Variants in ROR1 observed in about 807,000 individuals in gnomAD.
ROR1 encodes inactive tyrosine-protein kinase transmembrane receptor ROR1.
Under a neutral mutation model 78.8 loss-of-function variants are expected in ROR1, and 19 were observed. The observed-to-expected ratio is 0.24, with a 90% CI of 0.17 to 0.35. ROR1 has a LOEUF of 0.35. Ranked by LOEUF, ROR1 falls within the 10% of genes least tolerant of loss-of-function variation. The pLI, the probability that ROR1 is intolerant of heterozygous loss-of-function variation, is 1.00. For missense variants in ROR1, 917 were observed against 1,177.8 expected (o/e 0.78, Z 3.24); for synonymous variants, 386 against 433.6 (o/e 0.89, Z 1.36).
intron 1 of ROR1, among the ~76,000 whole-genome samples, chr1:63,933,660 T>C (rs1645771783): frequency 6.6e-6 from 1 of 152,228 alleles, no homozygotes; most frequent in African/African-American, 2.4e-5. Context: ...TGAAAATCTT[T>C]ACTATGCCTG....
intron 1 of ROR1, among the ~76,000 whole-genome samples, chr1:63,913,166 C>A (rs1276886035): frequency 2.0e-5 from 3 of 152,142 alleles, no homozygotes; most frequent in Non-Finnish European, 2.9e-5. Flanking sequence ...ATGTAGGAAA[C>A]AAAACTATCT....
chr1:64,173,946 C>A (rs1650310070), intron 8 of ROR1, among the ~76,000 whole-genome samples: 1 of 152,130 alleles, frequency 6.6e-6, no homozygotes, highest in African/African-American at 2.4e-5. Flanking sequence ...CACCCTCAAG[C>A]TCCAAAACAA....
intron 4 of ROR1, among the ~76,000 whole-genome samples, chr1:64,076,833 G>A (rs1293730986): frequency 3.3e-5 from 5 of 152,008 alleles, no homozygotes; most frequent in African/African-American, 9.7e-5. Flanking sequence ...ACAAATTTTG[G>A]TTAACATATC....
chr1:64,134,615 C>T (rs1056428627), intron 4 of ROR1, among the ~76,000 whole-genome samples: 2 of 152,138 alleles, frequency 1.3e-5, no homozygotes, highest in Non-Finnish European at 2.9e-5. Flanking sequence ...TTCTCAACCA[C>T]ATTCAAATCA....
intron 1 of ROR1, among the ~76,000 whole-genome samples, chr1:63,972,566 A>G (rs1025091476): frequency 6.6e-6 from 1 of 152,206 alleles, no homozygotes; most frequent in Non-Finnish European, 1.5e-5. Flanking sequence ...AAACATAGAT[A>G]TTTGTGGAAG....
chr1:63,839,740 A>G (rs1645038518), intron 1 of ROR1, among the ~76,000 whole-genome samples: 1 of 152,046 alleles, frequency 6.6e-6, no homozygotes, highest in East Asian at 1.9e-4. Context: ...TTTTGTAGCA[A>G]GCTTTTTTTT....
At chr1:63,968,006 T>C (rs12095803) in intron 1 of ROR1, among the ~76,000 whole-genome samples, 49,213 of 152,080 alleles carry the variant, frequency 0.32, 11,829 homozygotes, top group African/African-American at 0.69. Flanking sequence ...ACATTTTGTT[T>C]CCTTTAAGGC....
Position 63,998,452 on chromosome 1 carries a change from A to G in ROR1, c.92-10853A>G, listed in dbSNP as rs143821298. Among the ~76,000 whole-genome samples the G allele has an allele frequency of 9.9e-5, 15 of 152,232 alleles. No homozygotes were observed. The East Asian group carries it at 1.9e-3, about 20-fold the overall frequency. The stretch of plus-strand genomic sequence containing the variant: ...CAACATGAAAAATATTTTTATTGAT[A>G]TCAGTGTTATAATCTTTCAAGGAGA... On this transcript the variant is annotated intron_variant, in intron 1 of 8. Coordinates refer to ENST00000371079, the MANE Select transcript of ROR1 (RefSeq NM_005012.4).
At position 63,839,155 on chromosome 1, in the gene ROR1, C is replaced by T. The variant is rs147668015; in HGVS notation, c.91+64647C>T. Among the ~76,000 whole-genome samples, 207 of 152,282 alleles carry T rather than the reference C, an allele frequency of 1.4e-3. 1 individual carries two copies. The highest frequency in any genetic ancestry group is 4.8e-3 in the African/African-American group (199 of 41,548). On this transcript the variant is annotated intron_variant, in intron 1 of 8. Transcript: ENST00000371079. ...TGCATTAATTGGTTACTTGTACCCT[C>T]TGTTTAGGGCTTCAAAAGTCAGATC...
At chr1:64,063,052 A>G (rs183023832) in intron 4 of ROR1, among the ~76,000 whole-genome samples, 30 of 152,350 alleles carry the variant, frequency 2.0e-4, no homozygotes, top group Admixed American at 1.8e-3. Flanking sequence ...GAAAGAAGTG[A>G]AACCCCAAAG....
chr1:63,879,641 C>T (rs955607513), intron 1 of ROR1, among the ~76,000 whole-genome samples: 15 of 152,096 alleles, frequency 9.9e-5, no homozygotes, highest in Non-Finnish European at 2.2e-4. Flanking sequence ...TAAATAAAGA[C>T]CCTGAGAAGT....
At chr1:63,937,467 A>G (rs1645802830) in intron 1 of ROR1, among the ~76,000 whole-genome samples, 1 of 151,900 alleles carries the variant, frequency 6.6e-6, no homozygotes, top group African/African-American at 2.4e-5. Context: ...TAGAGCGCAG[A>G]CATCCTTCTA....
intron 1 of ROR1, among the ~76,000 whole-genome samples, chr1:63,978,090 G>A (rs1314562279): frequency 1.3e-5 from 2 of 152,118 alleles, no homozygotes; most frequent in Non-Finnish European, 2.9e-5. Flanking sequence ...GTCCATCCAT[G>A]GCGGGTGCAC....
intron 4 of ROR1, among the ~76,000 whole-genome samples, chr1:64,052,664 C>A (rs1456214957): frequency 6.6e-6 from 1 of 152,146 alleles, no homozygotes; most frequent in Non-Finnish European, 1.5e-5. Flanking sequence ...TATCACGCAT[C>A]TCTGTTTTAT....
chr1:64,101,658 T>C (rs1165108789), intron 4 of ROR1, among the ~76,000 whole-genome samples: 2 of 137,274 alleles, frequency 1.5e-5, no homozygotes, highest in Non-Finnish European at 3.4e-5. Flanking sequence ...CAAGGATGCT[T>C]AAGAAGAGAC....
intron 1 of ROR1, among the ~76,000 whole-genome samples, chr1:63,934,644 T>G (rs140365367): frequency 0.019 from 2,867 of 152,332 alleles, 31 homozygotes; most frequent in Non-Finnish European, 0.029. Flanking sequence ...TTAACACTTA[T>G]TTAAATTTAA....
At chr1:63,781,516 G>A (rs1308239353) in intron 1 of ROR1, among the ~76,000 whole-genome samples, 1 of 152,210 alleles carries the variant, frequency 6.6e-6, no homozygotes, top group Admixed American at 6.5e-5. Context: ...ATGAGCAGAT[G>A]TGGTACCACA....
At chr1:64,068,998 T>C (rs1387234524) in intron 4 of ROR1, among the ~76,000 whole-genome samples, 1 of 152,198 alleles carries the variant, frequency 6.6e-6, no homozygotes, top group Admixed American at 6.5e-5. Context: ...AAATAATAGC[T>C]AAAATAATTA....
intron 1 of ROR1, among the ~76,000 whole-genome samples, chr1:63,785,687 G>A (rs1644680202): frequency 1.3e-5 from 2 of 151,646 alleles, no homozygotes; most frequent in Non-Finnish European, 2.9e-5. Context: ...CACCACGCCC[G>A]GCTAATTTTT....
Sources: allele counts gnomAD v4.1 joint callset (sites outside exome capture counted in the v4.1 genomes callset), GRCh38; gene constraint gnomAD v4.1.1; transcripts MANE v1.5; gene names NCBI Gene and HGNC (gene_info 2026-07-23, HGNC 2026-07-21).